Variants in PDCD6IP observed in about 807,000 individuals in gnomAD.
PDCD6IP encodes programmed cell death 6-interacting protein.
In PDCD6IP, 43 loss-of-function variants were observed where a neutral mutation model predicts 103.7. The observed-to-expected ratio is 0.41, with a 90% confidence interval of 0.32 to 0.53. The LOEUF (loss-of-function observed/expected upper bound fraction) is 0.53. PDCD6IP is among the 20% of genes least tolerant of loss of function. The probability of loss-of-function intolerance (pLI) is 0.16; values close to 1 mark genes in which losing one functional copy is unlikely to be tolerated. For synonymous variants in PDCD6IP, 354 were observed against 378.7 expected, an observed-to-expected ratio of 0.93 and a Z score of 0.76; for missense variants, 871 against 1,036.7, an observed-to-expected ratio of 0.84 and a Z score of 2.20.
chr3:33,843,216 G>T (rs1697515335), intron 10 of PDCD6IP, among the ~76,000 whole-genome samples: 3 of 152,098 alleles, frequency 2.0e-5, no homozygotes. Context: ...GCAGTTTTCT[G>T]TTTTAAAAAT....
intron 5 of PDCD6IP, among the ~76,000 whole-genome samples, chr3:33,825,626 C>T (rs1029198138): frequency 5.3e-5 from 8 of 152,108 alleles, no homozygotes; most frequent in East Asian, 3.8e-4. Context: ...GACATTTATT[C>T]GCAAATATTT....
chr3:33,857,442 A>AC (rs986185606), intron 15 of PDCD6IP, among the ~76,000 whole-genome samples: 105 of 151,966 alleles, frequency 6.9e-4, no homozygotes, highest in Non-Finnish European at 5.1e-4. Flanking sequence ...GGGGTGAGCC[A>AC]CCCCCCCAGC....
At chr3:33,837,544 T>A (rs1280890499) in intron 8 of PDCD6IP, among the ~76,000 whole-genome samples, 1 of 151,996 alleles carries the variant, frequency 6.6e-6, no homozygotes, top group African/African-American at 2.4e-5. Context: ...AGCTAGGAAG[T>A]GTTGGAGCCA....
chr3:33,869,618 T>A lies in PDCD6IP; in HGVS notation c.*3093T>A, dbSNP rs904636732. ...TGGTAGTTGGATTATATTTTTATTG[T>A]ATTCATTTATCTTAGGGGGAACATT... is the stretch of plus-strand genomic sequence containing the variant. On this transcript the variant is annotated 3_prime_UTR_variant, in exon 18 of 18. Transcript: ENST00000307296. The A allele has an allele frequency of 1.3e-5, 2 of 152,222 alleles. No individual in the cohort carries two copies. The highest frequency in any genetic ancestry group is 2.4e-5 in the African/African-American group (1 of 41,458). 9.4% of individuals were successfully genotyped at this position (152,222 alleles called of 1,614,324 possible).
intron 1 of PDCD6IP, chr3:33,811,106 G>A (rs780260895): frequency 4.9e-5 from 21 of 432,438 alleles, no homozygotes; most frequent in South Asian, 1.5e-4. Flanking sequence ...GGCTGGTCTC[G>A]AACTCTGGGC....
At chr3:33,811,035 G>A (rs776084215) in intron 1 of PDCD6IP, 93 of 403,400 alleles carry the variant, frequency 2.3e-4, no homozygotes, top group African/African-American at 4.6e-4. Flanking sequence ...ACAGGTGTGC[G>A]CCACCATGCC....
chr3:33,850,401 G>C (rs1222224199), intron 12 of PDCD6IP, among the ~76,000 whole-genome samples: 1 of 151,900 alleles, frequency 6.6e-6, no homozygotes, highest in African/African-American at 2.4e-5. Flanking sequence ...GATTCAAAAG[G>C]TACATACAGA....
At chr3:33,814,495 A>G (rs1316456931) in intron 3 of PDCD6IP, among the ~76,000 whole-genome samples, 1 of 147,088 alleles carries the variant, frequency 6.8e-6, no homozygotes, top group African/African-American at 2.5e-5. Flanking sequence ...ACAGTGCTTT[A>G]TTAGCTGCAA....
chr3:33,855,861 C>G (rs988731625), intron 15 of PDCD6IP, among the ~76,000 whole-genome samples: 1 of 152,064 alleles, frequency 6.6e-6, no homozygotes, highest in South Asian at 2.1e-4. Flanking sequence ...TAAACAAAAA[C>G]AACAACAACA....
intron 3 of PDCD6IP, among the ~76,000 whole-genome samples, chr3:33,819,132 T>C (rs1696929760): frequency 6.6e-6 from 1 of 152,084 alleles, no homozygotes; most frequent in East Asian, 1.9e-4. Context: ...TCTGAGTTGT[T>C]CACTCGTAAT....
At chr3:33,813,384 A>G in intron 2 of PDCD6IP, 175 bp from the exon 3 acceptor site, 1 of 493,244 alleles carries the variant, frequency 2.0e-6, no homozygotes. Context: ...CCAGTATTTT[A>G]CTTTTTTTAG....
chr3:33,818,632 C>T (rs1057387848), intron 3 of PDCD6IP, among the ~76,000 whole-genome samples: 10 of 149,974 alleles, frequency 6.7e-5, no homozygotes, highest in East Asian at 4.0e-4. Context: ...GATTATCCTG[C>T]GTCAGCTTTC....
chr3:33,845,222 T>A (rs567418989), intron 11 of PDCD6IP, among the ~76,000 whole-genome samples, 197 bp from the exon 12 acceptor site: 242 of 152,300 alleles, frequency 1.6e-3, no homozygotes, highest in African/African-American at 5.7e-3. Context: ...ATGCTTTTGA[T>A]TTTATAAGTG....
rs1697303842 is a variant in PDCD6IP at position 33,834,366 on chromosome 3, T to C, written c.835-1678T>C. On this transcript the variant is annotated intron_variant, in intron 7 of 17. Transcript: ENST00000307296. The stretch of plus-strand genomic sequence containing the variant: ...CTTCCCCCTCTGTGTATAGCGTACC[T>C]ACGGTTCTGGTACTAGTGTTTGCTA... Among the ~76,000 whole-genome samples the C allele has an allele frequency of 4.6e-5, 7 of 152,344 alleles. No individual in the cohort carries two copies. The South Asian group carries it at 1.5e-3, about 32-fold the overall frequency.
intron 10 of PDCD6IP, among the ~76,000 whole-genome samples, chr3:33,843,319 A>G (rs1452967685): frequency 1.3e-5 from 2 of 152,086 alleles, no homozygotes; most frequent in African/African-American, 2.4e-5. Context: ...GTCCCTACCT[A>G]TGTTTCTTGT....
chr3:33,830,677 G>T (rs1697225464), intron 7 of PDCD6IP, among the ~76,000 whole-genome samples: 1 of 152,138 alleles, frequency 6.6e-6, no homozygotes, highest in Admixed American at 6.5e-5. Context: ...GTAGTTTGAG[G>T]CCAGCCTGGA....
At chr3:33,827,604 G>C (rs1289378453) in intron 6 of PDCD6IP, 2 of 152,000 alleles carry the variant, frequency 1.3e-5, no homozygotes, top group African/African-American at 4.8e-5. Context: ...CTCCTCTCAT[G>C]TTTTTTTCAT....
At chr3:33,858,011 CATT>C (rs1349262342) in intron 15 of PDCD6IP, among the ~76,000 whole-genome samples, 1 of 152,092 alleles carries the variant, frequency 6.6e-6, no homozygotes, top group Non-Finnish European at 1.5e-5. Flanking sequence ...TATTTACAGA[CATT>C]ATGATTGTAC....
chr3:33,806,008 G>A (rs947168539), intron 1 of PDCD6IP, among the ~76,000 whole-genome samples: 1 of 152,180 alleles, frequency 6.6e-6, no homozygotes, highest in Non-Finnish European at 1.5e-5. Flanking sequence ...ACCTCCCAAA[G>A]TGCTGGGATT....
Sources: gnomAD v4.1 joint callset for allele counts (sites outside exome capture counted in the v4.1 genomes callset) on GRCh38, gnomAD v4.1.1 for gene constraint, MANE v1.5 for transcripts, NCBI Gene and HGNC (gene_info 2026-07-23, HGNC 2026-07-21) for gene names.